CRTAC1: variants seen among roughly 807,000 people sequenced by gnomAD.
CRTAC1 encodes the protein acidic secreted protein in cartilage.
A neutral mutation model predicts 67.8 loss-of-function variants in CRTAC1; 37 were observed. The observed-to-expected ratio is 0.55, with a 90% CI of 0.42 to 0.72. CRTAC1 has a LOEUF of 0.72. CRTAC1 is among the 30% of genes least tolerant of loss of function. The probability of loss-of-function intolerance (pLI) is 0.00; values close to 1 mark genes in which losing one functional copy is unlikely to be tolerated. For synonymous variants in CRTAC1, 348 were observed against 371.0 expected, an observed-to-expected ratio of 0.94 and a Z score of 0.71; for missense variants, 780 against 931.6, an observed-to-expected ratio of 0.84 and a Z score of 2.12.
chr10:97,886,948 T>A (rs956500589), intron 11 of CRTAC1, among the ~76,000 whole-genome samples: 50 of 151,920 alleles, frequency 3.3e-4, no homozygotes, highest in Non-Finnish European at 6.5e-4. Flanking sequence ...CCCGGCCAGA[T>A]TTCTTTTTTT....
chr10:97,893,480 T>A (rs1017854142), intron 11 of CRTAC1, among the ~76,000 whole-genome samples: 1 of 152,238 alleles, frequency 6.6e-6, no homozygotes, highest in Non-Finnish European at 1.5e-5. Context: ...TGTTTCTCAA[T>A]GTTTTTTCCA....
At chr10:97,916,646 C>T (rs12219837) in intron 5 of CRTAC1, among the ~76,000 whole-genome samples, 10,394 of 152,216 alleles carry the variant, frequency 0.068, 426 homozygotes, top group African/African-American at 0.11. Flanking sequence ...GAAGCCTCTG[C>T]TGCACACGTT....
chr10:97,904,904 G>A (rs1240024977), intron 6 of CRTAC1, 90 bp from the exon 7 acceptor site: 1 of 1,401,522 alleles, frequency 7.1e-7, no homozygotes, highest in Admixed American at 2.7e-5. Flanking sequence ...CAAGCAACTA[G>A]GGAGGGTGAC....
intron 2 of CRTAC1, among the ~76,000 whole-genome samples, chr10:98,008,932 A>G (rs937455591): frequency 1.3e-5 from 2 of 152,136 alleles, no homozygotes; most frequent in Admixed American, 1.3e-4. Flanking sequence ...AGATGCATCA[A>G]AGTCCTTTAA....
intron 2 of CRTAC1, among the ~76,000 whole-genome samples, chr10:98,010,402 T>C (rs1305172032): frequency 6.6e-6 from 1 of 152,182 alleles, no homozygotes; most frequent in Non-Finnish European, 1.5e-5. Context: ...TCACACACAA[T>C]AGCCTAGGAA....
intron 7 of CRTAC1, among the ~76,000 whole-genome samples, chr10:97,903,085 T>C (rs1455366795): frequency 6.6e-6 from 1 of 151,534 alleles, no homozygotes; most frequent in Non-Finnish European, 1.5e-5. Flanking sequence ...TGGAAGGCAC[T>C]TGATAAATAG....
chr10:97,911,132 G>A (rs949863079), intron 5 of CRTAC1, among the ~76,000 whole-genome samples: 3 of 152,162 alleles, frequency 2.0e-5, no homozygotes, highest in Non-Finnish European at 2.9e-5. Flanking sequence ...GGTCTTACCA[G>A]CTTCTCTGAG....
intron 5 of CRTAC1, among the ~76,000 whole-genome samples, chr10:97,912,489 A>G (rs1331298716): frequency 6.6e-6 from 1 of 152,208 alleles, no homozygotes; most frequent in African/African-American, 2.4e-5. Context: ...GTTGTCCTCA[A>G]GAACCATCCC....
intron 5 of CRTAC1, among the ~76,000 whole-genome samples, chr10:97,913,735 ACT>A (rs1381766224): frequency 6.6e-6 from 1 of 151,804 alleles, no homozygotes; most frequent in Admixed American, 6.6e-5. Flanking sequence ...GGAGCCTGTC[ACT>A]CCAGCCCTGC....
Position 97,904,770 on chromosome 10 carries a change from C to G in CRTAC1, c.895G>C (p.Asp299His). ...HQHGRGVALA[D>H]FNRDGKVDIV... ...TCCACTTTGCCATCACGGTTGAAGT[C>G]AGCCAGGGCGACACCTCGCCCATGC... Residue 299 changes from aspartate (D) to histidine (H), a missense_variant, in exon 7 of 15, where the codon GAC becomes CAC. Transcript: ENST00000370597. The G allele has an allele frequency of 6.2e-7, 1 of 1,606,176 alleles. No homozygotes were observed. The highest frequency in any genetic ancestry group is 8.5e-7 in the Non-Finnish European group (1 of 1,176,880).
intron 11 of CRTAC1, among the ~76,000 whole-genome samples, chr10:97,894,561 A>G (rs1230704955): frequency 6.7e-6 from 1 of 148,682 alleles, no homozygotes; most frequent in Admixed American, 6.7e-5. Flanking sequence ...ACGCTTGGCT[A>G]TTTTTTTTGT....
At chr10:97,924,704 T>C (rs1183600477) in intron 3 of CRTAC1, among the ~76,000 whole-genome samples, 1 of 152,132 alleles carries the variant, frequency 6.6e-6, no homozygotes, top group Non-Finnish European at 1.5e-5. Flanking sequence ...TTTGGGATGG[T>C]CCCCCCACCA....
At chr10:97,928,581 C>T (rs2050956462) in intron 3 of CRTAC1, among the ~76,000 whole-genome samples, 1 of 152,164 alleles carries the variant, frequency 6.6e-6, no homozygotes, top group South Asian at 2.1e-4. Flanking sequence ...GGGGACTTGC[C>T]TAAGATCCCA....
At chr10:97,952,345 C>T (rs1265605466) in intron 2 of CRTAC1, among the ~76,000 whole-genome samples, 11 of 148,566 alleles carry the variant, frequency 7.4e-5, no homozygotes, top group Non-Finnish European at 1.2e-4. Context: ...GAGTGAGACT[C>T]CATCTCAAAA....
chr10:97,899,046 T>C (rs537941715), intron 8 of CRTAC1, among the ~76,000 whole-genome samples: 8 of 152,304 alleles, frequency 5.3e-5, no homozygotes, highest in African/African-American at 1.9e-4. Context: ...ACAGAGTTCC[T>C]GGCATGTTCC....
chr10:97,988,754 A>G (rs901854472), intron 2 of CRTAC1, among the ~76,000 whole-genome samples: 1 of 152,230 alleles, frequency 6.6e-6, no homozygotes, highest in Non-Finnish European at 1.5e-5. Flanking sequence ...TGATGGCAGT[A>G]CTGGCTAATA....
rs1843306101 is a variant in CRTAC1, at chr10:98,029,238, G to A, written c.24+1211C>T. Among the ~76,000 whole-genome samples the A allele has an allele frequency of 1.3e-5, 2 of 152,216 alleles. No homozygotes were observed. Among genetic ancestry groups the A allele is most frequent in the East Asian group, 1.9e-4 (1 of 5,164 alleles). On this transcript the variant is annotated intron_variant, in intron 1 of 14. Coordinates refer to ENST00000370597, the MANE Select transcript of CRTAC1 (RefSeq NM_018058.7). This position sits in a 1 kb window ranked among gnomAD's most constrained non-coding sequence, Gnocchi z 4.7. ...TCTTGGACATCTCCAGCCCCAAGTC[G>A]TCTGGGTTCCAAATCTCCGTCAATC... is the stretch of plus-strand genomic sequence containing the variant.
At chr10:97,939,289 G>A (rs568023792) in intron 2 of CRTAC1, among the ~76,000 whole-genome samples, 20 of 152,274 alleles carry the variant, frequency 1.3e-4, no homozygotes, top group African/African-American at 4.6e-4. Flanking sequence ...AGTTGGCCCC[G>A]GCTCTCTTCT....
Position 97,967,428 on chromosome 10 carries a change from C to T in CRTAC1, c.225-31062G>A, listed in dbSNP as rs117494939. Among the ~76,000 whole-genome samples, 25 of 152,272 alleles carry T rather than the reference C, an allele frequency of 1.6e-4. No individual in the cohort carries two copies. In the East Asian group the frequency reaches 3.5e-3, roughly 21 times the overall value. On this transcript the variant is annotated intron_variant, in intron 2 of 14. Transcript: ENST00000370597. Reference sequence around the variant, plus strand: ...AGAATCAGCCATTTCTCCAAGGAACCTTGTTTCCTTTTGCTGGAGAATGGT... The same window carrying T: ...AGAATCAGCCATTTCTCCAAGGAACTTTGTTTCCTTTTGCTGGAGAATGGT...
Sources: gnomAD v4.1 joint callset for allele counts (sites outside exome capture counted in the v4.1 genomes callset) on GRCh38, gnomAD v4.1.1 for gene constraint, Gnocchi (gnomAD v3.1) non-coding constraint, MANE v1.5 for transcripts, NCBI Gene and HGNC (gene_info 2026-07-23, HGNC 2026-07-21) for gene names.